The following FBXO30 variants were observed in gnomAD, a reference collection of about 807,000 sequenced individuals.
FBXO30 encodes the protein F-box protein 30.
FBXO30 carries 21 observed loss-of-function variants against 58.1 expected under a neutral mutation model. That is an observed-to-expected ratio of 0.36 (90% CI 0.26 to 0.52). The LOEUF (loss-of-function observed/expected upper bound fraction) is 0.52. Ranked by LOEUF, FBXO30 falls within the 20% of genes least tolerant of loss-of-function variation. The pLI, the probability that FBXO30 is intolerant of heterozygous loss-of-function variation, is 0.93. For synonymous variants in FBXO30, 309 were observed against 312.4 expected (o/e 0.99, Z 0.11); for missense variants, 744 against 897.3 (o/e 0.83, Z 2.18).
intron 2 of FBXO30, among the ~76,000 whole-genome samples, chr6:145,802,379 A>G (rs1261080359): frequency 3.3e-5 from 5 of 152,140 alleles, no homozygotes; most frequent in Admixed American, 1.3e-4. Context: ...AGTGGATTAT[A>G]TAAGTTCATA....
At chr6:145,804,259 T>C (rs1421697768) in intron 2 of FBXO30, 113 bp downstream of exon 2, 3 of 885,544 alleles carry the variant, frequency 3.4e-6, no homozygotes. Flanking sequence ...CACACTGATT[T>C]AGTAAGTTTT....
chr6:145,805,641 T>C lies in FBXO30; in HGVS notation c.765A>G (p.Thr255=). 6.2e-7 allele frequency: 1 copy of C among 1,614,136 alleles called. No individual in the cohort carries two copies. The highest frequency in any genetic ancestry group is 1.1e-5 in the South Asian group (1 of 91,078). Residue 255 remains threonine, a synonymous_variant, in exon 2 of 3, where the codon ACA becomes ACG. Coordinates refer to ENST00000237281, the MANE Select transcript of FBXO30 (RefSeq NM_032145.5). ...GAVGGIDYND[T]NQNAQSEQNG... is the part of the protein sequence containing the mutation. ...TTTGTTCAGACTGGGCATTCTGATT[T>C]GTGTCATTGTAGTCAATTCCACCTA...
intron 1 of FBXO30, among the ~76,000 whole-genome samples, chr6:145,809,253 T>TA (rs541442516): frequency 2.2e-4 from 34 of 152,188 alleles, no homozygotes; most frequent in Non-Finnish European, 4.3e-4. Flanking sequence ...TATTAAGAAT[T>TA]ATGACAAATC....
intron 1 of FBXO30, among the ~76,000 whole-genome samples, chr6:145,811,040 C>T (rs1778319638): frequency 6.6e-6 from 1 of 152,144 alleles, no homozygotes; most frequent in Non-Finnish European, 1.5e-5. Context: ...ATACTAGTGA[C>T]AACTCTAAGT....
chr6:145,800,900 A>G (rs1253315009), intron 2 of FBXO30, among the ~76,000 whole-genome samples: 1 of 152,168 alleles, frequency 6.6e-6, no homozygotes, highest in Non-Finnish European at 1.5e-5. Context: ...AATTTTATAT[A>G]AAAATAATAT....
rs1260890918 is a variant in FBXO30, at chr6:145,794,422, TAC to T, written c.*5682_*5683del. 1.3e-5 allele frequency: 2 copies of T among 151,952 alleles called. No individual in the cohort carries two copies. The highest frequency in any genetic ancestry group is 4.8e-5 in the African/African-American group (2 of 41,438). 9.4% of individuals were successfully genotyped at this position (151,952 alleles called of 1,614,324 possible). A position where few individuals can be genotyped will look rare whatever the true frequency, so the allele number is the denominator to read the frequency against. On this transcript the variant is annotated 3_prime_UTR_variant, in exon 3 of 3. Coordinates refer to ENST00000237281, the MANE Select transcript of FBXO30 (RefSeq NM_032145.5). ...ATTCAAACATTGATCAAATGAACAATACTACTTTAACATTTTAAGTGCAAATA... is the reference window on the plus strand; with the variant it reads ...ATTCAAACATTGATCAAATGAACAATTACTTTAACATTTTAAGTGCAAATA...
intron 1 of FBXO30, chr6:145,810,030 G>A (rs555756772): frequency 6.6e-6 from 1 of 152,224 alleles, no homozygotes; most frequent in Non-Finnish European, 1.5e-5. Context: ...TCACTCCTGT[G>A]GTCAAGAAAG....
In FBXO30 at chr6:145,806,001, G is replaced by A. The variant is rs373573087; in HGVS notation, c.405C>T (p.Ser135=). 1.2e-5 allele frequency: 19 copies of A among 1,613,882 alleles called. No individual in the cohort carries two copies. The highest frequency in any genetic ancestry group is 2.2e-5 in the East Asian group (1 of 44,882). Reference sequence around the variant, plus strand: ...TTGACATCATGGTGGCTACTTTGAGGGATTCTAAGAGCATCCTTTGGTCTT... The same window carrying A: ...TTGACATCATGGTGGCTACTTTGAGAGATTCTAAGAGCATCCTTTGGTCTT... ...ALQDQRMLLE[S]LKVATMMSKA... Residue 135 remains serine (S), a synonymous_variant, in exon 2 of 3, where the codon TCC becomes TCT. Coordinates refer to ENST00000237281, the MANE Select transcript of FBXO30 (RefSeq NM_032145.5).
rs1777834780 is a variant in FBXO30 at position 145,794,655 on chromosome 6, T to C, written c.*5451A>G. ...GACATAATCATTCATTGGGTAATTTTACTCTTGAGCAGACACAGTGCCCAT... is the reference window on the plus strand; with the variant it reads ...GACATAATCATTCATTGGGTAATTTCACTCTTGAGCAGACACAGTGCCCAT... On this transcript the variant is annotated 3_prime_UTR_variant, in exon 3 of 3. Coordinates refer to ENST00000237281, the MANE Select transcript of FBXO30 (RefSeq NM_032145.5). 6.6e-6 allele frequency: 1 copy of C among 151,916 alleles called. No individual in the cohort carries two copies. The highest frequency in any genetic ancestry group is 2.4e-5 in the African/African-American group (1 of 41,446). The allele number at this position is 151,916 out of a possible 1,614,324, so 9.4% of individuals were successfully genotyped here.
rs781145248 is a variant in FBXO30 at position 145,806,257 on chromosome 6, C to T, written c.149G>A (p.Arg50Gln). The T allele has an allele frequency of 2.5e-6, 4 of 1,614,016 alleles. No homozygotes were observed. The highest frequency in any genetic ancestry group is 2.5e-6 in the Non-Finnish European group (3 of 1,179,974). The part of the protein sequence containing the change: ...VFHSCKADEH[R>Q]LLCPFERVPC... ...CACTCGTTCAAATGGACATAAAAGT[C>T]GATGCTCATCAGCTTTACAAGAATG... The change falls in exon 2 of 3, where the codon CGA becomes CAA. Residue 50 changes from arginine (R) to glutamine (Q), a missense_variant. Coordinates refer to ENST00000237281, the MANE Select transcript of FBXO30 (RefSeq NM_032145.5).
chr6:145,804,408 A>G lies in FBXO30; in HGVS notation c.1998T>C (p.Tyr666=), dbSNP rs773899793. Residue 666 remains tyrosine, a synonymous_variant, in exon 2 of 3, where the codon TAT becomes TAC. Coordinates refer to ENST00000237281, the MANE Select transcript of FBXO30 (RefSeq NM_032145.5). ...MVILQWGKRK[Y]PEGNSSWQIK... Reference sequence around the variant, plus strand: ...TCTGCCATGATGAATTTCCTTCTGGATACTTCCTTTTCCCCCACTGCAGTA... The same window carrying G: ...TCTGCCATGATGAATTTCCTTCTGGGTACTTCCTTTTCCCCCACTGCAGTA... The G allele has an allele frequency of 5.0e-6, 8 of 1,613,416 alleles. No homozygotes were observed. The highest frequency in any genetic ancestry group is 6.8e-6 in the Non-Finnish European group (8 of 1,179,620).
chr6:145,797,966 G>T lies in FBXO30; in HGVS notation c.*2140C>A, dbSNP rs926374904. 1 of 151,976 alleles carries T rather than the reference G, an allele frequency of 6.6e-6. No individual in the cohort carries two copies. The highest frequency in any genetic ancestry group is 1.5e-5 in the Non-Finnish European group (1 of 67,922). 9.4% of individuals were successfully genotyped at this position (151,976 alleles called of 1,614,324 possible). The stretch of plus-strand genomic sequence containing the variant: ...TTCCGCCTTTCAGTGCACCTAGGTG[G>T]TATTACTTTCGAGACACTGAAGGAT... On this transcript the variant is annotated 3_prime_UTR_variant, in exon 3 of 3. Transcript: ENST00000237281.
intron 1 of FBXO30, among the ~76,000 whole-genome samples, chr6:145,810,711 C>T (rs1201987317): frequency 6.6e-6 from 1 of 151,932 alleles, no homozygotes; most frequent in Non-Finnish European, 1.5e-5. Context: ...AAATATATTG[C>T]CCTCAAAAAA....
In FBXO30 at chr6:145,804,921, C is replaced by T. The variant is rs762672729; in HGVS notation, c.1485G>A (p.Pro495=). ...CTAAATCCAGCCCAAGTGTCTGAAA[C>T]GGACTTGGATTTGAAAGCTGTGGAT... ...HANPQLSNPS[P]FQTLGLDLVL... The change falls in exon 2 of 3, where the codon CCG becomes CCA. Residue 495 remains proline (P), a synonymous_variant. Coordinates refer to ENST00000237281, the MANE Select transcript of FBXO30 (RefSeq NM_032145.5). 15 of 1,613,748 alleles carry T rather than the reference C, an allele frequency of 9.3e-6. No individual in the cohort carries two copies. The highest frequency in any genetic ancestry group is 1.1e-5 in the South Asian group (1 of 91,094).
intron 1 of FBXO30, among the ~76,000 whole-genome samples, chr6:145,807,795 C>T (rs1036346357): frequency 1.3e-5 from 2 of 151,890 alleles, no homozygotes; most frequent in Non-Finnish European, 2.9e-5. Context: ...TGGTGTGTTT[C>T]CTATTAGCAA....
At chr6:145,813,391 C>A (rs1286932450) in intron 1 of FBXO30, among the ~76,000 whole-genome samples, 1 of 150,610 alleles carries the variant, frequency 6.6e-6, no homozygotes, top group Non-Finnish European at 1.5e-5. Flanking sequence ...TTTAAAAAGT[C>A]AGCAAAACAC....
In FBXO30 at chr6:145,805,564, G is replaced by T. The variant is rs561007112; in HGVS notation, c.842C>A (p.Ser281Tyr). 2.5e-6 allele frequency: 4 copies of T among 1,612,552 alleles called. No individual in the cohort carries two copies. The highest frequency in any genetic ancestry group is 3.4e-6 in the Non-Finnish European group (4 of 1,179,434). The change falls in exon 2 of 3, where the codon TCT becomes TAT. Residue 281 changes from serine (S) to tyrosine (Y), a missense_variant. Physicochemically the swap from Ser to Tyr is moderately radical, Grantham distance 144. Around this residue, in one of 3 missense-constraint regions of FBXO30, gnomAD observed 275 missense variants for 262.0 expected, o/e 1.05. Coordinates refer to ENST00000237281, the MANE Select transcript of FBXO30 (RefSeq NM_032145.5). Reference protein sequence around the residue: ...CDLNTSSYDTSALCNGFPLEN... With the variant: ...CDLNTSSYDTYALCNGFPLEN... ...CAAAGGAAAGCCATTACAAAGAGCAGAAGTGTCATAAGAACTTGTATTCAA... is the reference window on the plus strand; with the variant it reads ...CAAAGGAAAGCCATTACAAAGAGCATAAGTGTCATAAGAACTTGTATTCAA...
chr6:145,805,517 TG>T lies in FBXO30; in HGVS notation c.888del (p.Ile297Ter). ...GFPLENICTQ[V>X]IDQNQNLHGD... ...CCATGTAAATTCTGATTCTGGTCTATGACCTGGGTACATATATTTTCCAAAG... is the reference window on the plus strand; with the variant it reads ...CCATGTAAATTCTGATTCTGGTCTATACCTGGGTACATATATTTTCCAAAG... On this transcript the variant is annotated frameshift_variant, in exon 2 of 3. Transcript: ENST00000237281. LOFTEE classifies it high-confidence loss of function. 1 of 1,605,454 alleles carries T rather than the reference TG, an allele frequency of 6.2e-7. No individual in the cohort carries two copies. Among genetic ancestry groups the T allele is most frequent in the Non-Finnish European group, 8.5e-7 (1 of 1,175,930 alleles).
At chr6:145,811,784 T>C (rs1388942809) in intron 1 of FBXO30, among the ~76,000 whole-genome samples, 1 of 152,210 alleles carries the variant, frequency 6.6e-6, no homozygotes, top group Non-Finnish European at 1.5e-5. Flanking sequence ...TATAAAACTA[T>C]AGACAGATTT....
Sources: allele counts gnomAD v4.1 joint callset (sites outside exome capture counted in the v4.1 genomes callset), GRCh38; gene constraint gnomAD v4.1.1; regional missense constraint gnomAD v4.1.1; transcripts MANE v1.5; gene names NCBI Gene and HGNC (gene_info 2026-07-23, HGNC 2026-07-21).